PRELID2: variants seen among roughly 807,000 people sequenced by gnomAD.
PRELID2 encodes the protein PRELI domain containing 2, also known as PRELI domain-containing protein 2.
A neutral mutation model predicts 28.4 loss-of-function variants in PRELID2; 25 were observed. The ratio of observed to expected loss-of-function variants is 0.88; its 90% CI spans 0.64 to 1.23. The LOEUF is 1.23. Ranked by LOEUF, PRELID2 falls within the 50% of genes most tolerant of loss-of-function variation. The pLI, the probability that PRELID2 is intolerant of heterozygous loss-of-function variation, is 0.00. For synonymous variants in PRELID2, 76 were observed against 71.6 expected (o/e 1.06, Z -0.31); for missense variants, 201 against 214.4 (o/e 0.94, Z 0.39).
At chr5:145,760,674 A>G (rs1757431610) in intron 6 of PRELID2, 149 bp from the exon 7 acceptor site, 1 of 152,242 alleles carries the variant, frequency 6.6e-6, no homozygotes, top group African/African-American at 2.4e-5. Flanking sequence ...CTCCCTCCTA[A>G]TGATCTTCGA....
At chr5:145,600,831 G>T (rs1051859099) in intron 1 of PRELID2, among the ~76,000 whole-genome samples, 1 of 152,060 alleles carries the variant, frequency 6.6e-6, no homozygotes, top group Non-Finnish European at 1.5e-5. Context: ...TGTATGAAAT[G>T]TTTAAAGAAA....
intron 1 of PRELID2, among the ~76,000 whole-genome samples, chr5:145,667,556 T>C (rs1754618601): frequency 6.6e-6 from 1 of 152,048 alleles, no homozygotes; most frequent in Non-Finnish European, 1.5e-5. Context: ...GACAGAGTCA[T>C]CAATTTGACA....
At chr5:145,455,973 C>T in the PRELID2 span, among the ~76,000 whole-genome samples, 13 of 148,830 alleles carry the variant, frequency 8.7e-5, no homozygotes, top group South Asian at 4.3e-4. Context: ...AGACTGGAGC[C>T]GCTCCTATTT....
chr5:145,471,549 A>G (rs1465500201), downstream of PRELID2, among the ~76,000 whole-genome samples: 2 of 152,114 alleles, frequency 1.3e-5, no homozygotes, highest in East Asian at 3.8e-4. Context: ...TTTATTAATA[A>G]TGATAATATG....
the PRELID2 span, among the ~76,000 whole-genome samples, chr5:145,238,636 A>T: frequency 1.3e-5 from 2 of 152,202 alleles, no homozygotes; most frequent in South Asian, 4.1e-4. Context: ...TTCAAAATTC[A>T]CATACCCAGA....
chr5:145,236,871 G>A, the PRELID2 span, among the ~76,000 whole-genome samples: 3 of 152,052 alleles, frequency 2.0e-5, no homozygotes, highest in Non-Finnish European at 4.4e-5. Context: ...TTATGTCTGT[G>A]GCACTTATTT....
intron 4 of PRELID2, among the ~76,000 whole-genome samples, chr5:145,814,520 G>A (rs998539676): frequency 1.3e-5 from 2 of 152,128 alleles, no homozygotes; most frequent in Non-Finnish European, 2.9e-5. Flanking sequence ...CCCACTCAGC[G>A]GGCTGCTGCA....
the PRELID2 span, chr5:145,229,677 A>T: frequency 0.11 from 84,358 of 766,858 alleles, 7,263 homozygotes; most frequent in East Asian, 0.38. Context: ...CCCAGTAGGC[A>T]CCATCCTTTA....
Position 145,759,555 on chromosome 5 carries a change from A to C in PRELID2, c.*981T>G, listed in dbSNP as rs567259335. The C allele has an allele frequency of 6.6e-6, 1 of 152,352 alleles. No homozygotes were observed. The highest frequency in any genetic ancestry group is 1.9e-4 in the East Asian group (1 of 5,186). 9.4% of individuals were successfully genotyped at this position (152,352 alleles called of 1,614,324 possible). A position where few individuals can be genotyped will look rare whatever the true frequency, so the allele number is the denominator to read the frequency against. On this transcript the variant is annotated 3_prime_UTR_variant, in exon 7 of 7. Coordinates refer to ENST00000683046, the MANE Select transcript of PRELID2 (RefSeq NM_205846.3). ...CTAGGTACTTCATAGGCATGATCTCAAATCAGTCCAACAATCTCACAAAAT... is the reference window on the plus strand; with the variant it reads ...CTAGGTACTTCATAGGCATGATCTCCAATCAGTCCAACAATCTCACAAAAT...
At chr5:145,414,226 T>C in the PRELID2 span, among the ~76,000 whole-genome samples, 1 of 152,158 alleles carries the variant, frequency 6.6e-6, no homozygotes, top group Non-Finnish European at 1.5e-5. Context: ...AAGAAAGAGT[T>C]ATCCACAATT....
the PRELID2 span, among the ~76,000 whole-genome samples, chr5:145,454,922 T>C: frequency 1.3e-5 from 2 of 152,214 alleles, no homozygotes; most frequent in Admixed American, 6.5e-5. Flanking sequence ...TCTCCCATTC[T>C]GTAGGTTGCC....
the PRELID2 span, among the ~76,000 whole-genome samples, chr5:145,320,293 C>G: frequency 1.3e-5 from 2 of 149,490 alleles, no homozygotes; most frequent in Non-Finnish European, 3.0e-5. Flanking sequence ...TTTTTTGAGA[C>G]GGAGTCTCGC....
At chr5:145,490,966 G>A (rs773303020) in intron 1 of PRELID2, among the ~76,000 whole-genome samples, 105 of 145,020 alleles carry the variant, frequency 7.2e-4, no homozygotes, top group Non-Finnish European at 1.2e-3. Flanking sequence ...CTATAAGCAT[G>A]AGATTTTTCT....
chr5:145,833,626 G>T (rs1182250184), intron 1 of PRELID2, among the ~76,000 whole-genome samples: 2 of 152,038 alleles, frequency 1.3e-5, no homozygotes, highest in Non-Finnish European at 2.9e-5. Context: ...TTCTAAAGAG[G>T]CCCCCTATAG....
At chr5:145,385,691 T>G in the PRELID2 span, among the ~76,000 whole-genome samples, 2 of 152,170 alleles carry the variant, frequency 1.3e-5, no homozygotes, top group African/African-American at 4.8e-5. Context: ...AGACAATTAT[T>G]GCATTTTGTA....
At chr5:145,721,509 C>T (rs1755989050) in intron 1 of PRELID2, among the ~76,000 whole-genome samples, 1 of 152,022 alleles carries the variant, frequency 6.6e-6, no homozygotes, top group African/African-American at 2.4e-5. Context: ...GCAAAGCAAA[C>T]ACATCATATA....
At chr5:145,408,410 T>TATATATGTATAATATATATGTATAAC in the PRELID2 span, among the ~76,000 whole-genome samples, 616 of 138,196 alleles carry the variant, frequency 4.5e-3, 2 homozygotes, top group Non-Finnish European at 5.7e-3. Flanking sequence ...TATATATATA[T>TATATATGTATAATATATATGTATAAC]ATATATATGT....
the PRELID2 span, among the ~76,000 whole-genome samples, chr5:145,432,562 G>A: frequency 6.6e-6 from 1 of 151,716 alleles, no homozygotes; most frequent in Non-Finnish European, 1.5e-5. Context: ...ACCATGCATT[G>A]AATTCCTCCA....
At chr5:145,403,966 A>G in the PRELID2 span, among the ~76,000 whole-genome samples, 1 of 152,332 alleles carries the variant, frequency 6.6e-6, no homozygotes, top group South Asian at 2.1e-4. Flanking sequence ...TTTTCTGGGA[A>G]CAAGGTTGGT....
Sources: allele counts gnomAD v4.1 joint callset (sites outside exome capture counted in the v4.1 genomes callset), GRCh38; gene constraint gnomAD v4.1.1; transcripts MANE v1.5; gene names NCBI Gene and HGNC (gene_info 2026-07-23, HGNC 2026-07-21).